TFEC: variants seen among roughly 807,000 people sequenced by gnomAD.
TFEC encodes class E basic helix-loop-helix protein 34.
In TFEC, 31 loss-of-function variants were observed where a neutral mutation model predicts 41.6. The observed-to-expected ratio is 0.74, with a 90% CI of 0.56 to 1.01. The LOEUF is 1.01. TFEC is among the 50% of genes least tolerant of loss of function. The pLI is 0.00. For synonymous variants in TFEC, 143 were observed against 140.6 expected (o/e 1.02, Z -0.12); for missense variants, 402 against 404.1 (o/e 0.99, Z 0.04).
rs1255406721 is a variant in TFEC, at chr7:116,030,702, TA to T, written c.-143del. On this transcript the variant is annotated 5_prime_UTR_variant, in exon 1 of 8. The change abolishes the stop of an existing upstream ORF in the 5' untranslated region. Coordinates refer to ENST00000265440, the MANE Select transcript of TFEC (RefSeq NM_012252.4). ...CACCAAATTATAATCCCTCTTCCCA[TA>T]ACATATGCACCATGCCAGAAGGGAC... 2.0e-6 allele frequency: 2 copies of T among 985,360 alleles called. No homozygotes were observed. Among genetic ancestry groups the T allele is most frequent in the Non-Finnish European group, 2.4e-6 (2 of 829,930 alleles). The allele number at this position is 985,360 out of a possible 1,614,324, so 61.0% of individuals were successfully genotyped here.
intron 3 of TFEC, among the ~76,000 whole-genome samples, chr7:116,057,335 C>A (rs528572202): frequency 5.3e-5 from 8 of 152,080 alleles, no homozygotes; most frequent in African/African-American, 1.7e-4. Flanking sequence ...CCCTAAACAT[C>A]ATTACTGAAT....
intron 2 of TFEC, among the ~76,000 whole-genome samples, chr7:115,983,252 A>G (rs1031066235): frequency 6.6e-6 from 1 of 152,132 alleles, no homozygotes; most frequent in Non-Finnish European, 1.5e-5. Context: ...AGATTTCAAA[A>G]AGTCCCTTTT....
intron 1 of TFEC, among the ~76,000 whole-genome samples, chr7:116,146,522 C>A (rs1198571913): frequency 6.6e-6 from 1 of 152,198 alleles, no homozygotes; most frequent in African/African-American, 2.4e-5. Context: ...GGCAAGAATT[C>A]ACATCACCTA....
intron 3 of TFEC, among the ~76,000 whole-genome samples, chr7:115,969,140 G>T (rs1793013375): frequency 6.6e-6 from 1 of 151,672 alleles, no homozygotes; most frequent in African/African-American, 2.4e-5. Context: ...TATTTAACAT[G>T]CATTTGCTGA....
intron 1 of TFEC, among the ~76,000 whole-genome samples, chr7:116,029,409 T>C (rs1458297721): frequency 6.6e-6 from 1 of 152,172 alleles, no homozygotes; most frequent in African/African-American, 2.4e-5. Flanking sequence ...GAAGCAGAAT[T>C]GTCCGAATAA....
intron 2 of TFEC, among the ~76,000 whole-genome samples, chr7:115,976,145 C>T (rs774463430): frequency 3.9e-5 from 6 of 152,028 alleles, no homozygotes; most frequent in Admixed American, 2.0e-4. Context: ...TGAATTTGGC[C>T]GGGTGCAGTG....
At chr7:115,990,141 C>A (rs1434376558) in intron 1 of TFEC, among the ~76,000 whole-genome samples, 2 of 152,182 alleles carry the variant, frequency 1.3e-5, no homozygotes, top group Non-Finnish European at 2.9e-5. Context: ...CCAGCAAACT[C>A]CAACAGACCT....
At chr7:116,031,511 C>T (rs1008447308), upstream of TFEC, among the ~76,000 whole-genome samples, 4 of 152,078 alleles carry the variant, frequency 2.6e-5, no homozygotes, top group African/African-American at 7.2e-5. Flanking sequence ...TTTGTTCCCA[C>T]CCTGTAATTC....
At chr7:116,136,468 TA>T (rs1444877043) in intron 1 of TFEC, among the ~76,000 whole-genome samples, 1 of 151,974 alleles carries the variant, frequency 6.6e-6, no homozygotes, top group African/African-American at 2.4e-5. Flanking sequence ...TACTAATAAA[TA>T]GATTCTTTCT....
intron 1 of TFEC, among the ~76,000 whole-genome samples, chr7:116,010,588 T>C (rs1794963749): frequency 6.6e-6 from 1 of 152,182 alleles, no homozygotes; most frequent in Non-Finnish European, 1.5e-5. Flanking sequence ...TTGGAAGTGA[T>C]GTATGGTCCA....
chr7:116,065,258 T>C (rs1584473257), intron 3 of TFEC, among the ~76,000 whole-genome samples: 1 of 152,120 alleles, frequency 6.6e-6, no homozygotes, highest in African/African-American at 2.4e-5. Flanking sequence ...CCAATAATTA[T>C]ATGAACCTCT....
At chr7:115,941,467 AAAG>A (rs1377662337) in intron 7 of TFEC, 3 of 172,904 alleles carry the variant, frequency 1.7e-5, no homozygotes, top group Non-Finnish European at 3.6e-5. Context: ...GAAAGAAATG[AAAG>A]AAGGAGGGGA....
In TFEC at chr7:115,940,351, C is replaced by A; in HGVS notation, c.*200G>T. The A allele has an allele frequency of 3.7e-6, 2 of 541,278 alleles. No homozygotes were observed. The highest frequency in any genetic ancestry group is 3.7e-5 in the Admixed American group (1 of 27,100). 33.5% of individuals were successfully genotyped at this position (541,278 alleles called of 1,614,324 possible). Reference sequence around the variant, plus strand: ...ACTCCGTAGTCAAAGAAGAAAACACCTTTTTTTCGCCCTCAATAATTCATT... The same window carrying A: ...ACTCCGTAGTCAAAGAAGAAAACACATTTTTTTCGCCCTCAATAATTCATT... On this transcript the variant is annotated 3_prime_UTR_variant, in exon 8 of 8. Transcript: ENST00000265440.
intron 7 of TFEC, 198 bp downstream of exon 7, chr7:115,941,695 C>T: frequency 6.6e-6 from 4 of 609,302 alleles, no homozygotes; most frequent in Non-Finnish European, 1.1e-5. Flanking sequence ...ACATATTCAG[C>T]CATCTTGATC....
intron 6 of TFEC, among the ~76,000 whole-genome samples, chr7:115,948,845 C>A (rs1278603910): frequency 9.1e-5 from 13 of 142,574 alleles, no homozygotes; most frequent in Admixed American, 2.8e-4. Context: ...GAAGTTCTGG[C>A]CAGGGCAATT....
At chr7:115,948,335 C>T (rs988152446) in intron 6 of TFEC, among the ~76,000 whole-genome samples, 2 of 151,850 alleles carry the variant, frequency 1.3e-5, no homozygotes, top group Admixed American at 1.3e-4. Context: ...GGAATCCTCC[C>T]TAACTCATTT....
chr7:116,032,339 C>T (rs1193899089), upstream of TFEC, among the ~76,000 whole-genome samples: 1 of 151,998 alleles, frequency 6.6e-6, no homozygotes, highest in Admixed American at 6.6e-5. Context: ...TAGGTATATG[C>T]CCAAAGGAAT....
rs985741644 is a variant in TFEC at position 115,939,386 on chromosome 7, T to C, written c.*1165A>G. 1 of 152,018 alleles carries C rather than the reference T, an allele frequency of 6.6e-6. No homozygotes were observed. Among genetic ancestry groups the C allele is most frequent in the African/African-American group, 2.4e-5 (1 of 41,426 alleles). The allele number at this position is 152,018 out of a possible 1,614,324, so 9.4% of individuals were successfully genotyped here. ...ATGAAGCATCATAGTTATAAGTGCTTATAATAAATGCTAACAGTGCAACCA... is the reference window on the plus strand; with the variant it reads ...ATGAAGCATCATAGTTATAAGTGCTCATAATAAATGCTAACAGTGCAACCA... On this transcript the variant is annotated 3_prime_UTR_variant, in exon 8 of 8. Transcript: ENST00000265440.
At chr7:116,099,518 A>G (rs1797555404) in intron 3 of TFEC, among the ~76,000 whole-genome samples, 2 of 152,216 alleles carry the variant, frequency 1.3e-5, no homozygotes, top group Non-Finnish European at 2.9e-5. Flanking sequence ...TAACTTCCAC[A>G]TTACGACCAG....
Sources: allele counts gnomAD v4.1 joint callset (sites outside exome capture counted in the v4.1 genomes callset), GRCh38; gene constraint gnomAD v4.1.1; transcripts MANE v1.5; gene names NCBI Gene and HGNC (gene_info 2026-07-23, HGNC 2026-07-21).